Variants in RCC2 observed in about 807,000 individuals in gnomAD.
RCC2 encodes the protein protein RCC2.
RCC2 carries 19 observed loss-of-function variants against 64.1 expected under a neutral mutation model. That is an observed-to-expected ratio of 0.30 (90% confidence interval 0.21 to 0.44). The LOEUF is 0.44. RCC2 is among the 20% of genes least tolerant of loss of function. RCC2 has a pLI of 1.00. For missense variants in RCC2, 508 were observed against 710.4 expected, an observed-to-expected ratio of 0.72 and a Z score of 3.24; for synonymous variants, 325 against 279.6, an observed-to-expected ratio of 1.16 and a Z score of -1.62.
chr1:17,431,341 A>AATAAAAAATAAAAAAAT (rs1382139249), intron 2 of RCC2, among the ~76,000 whole-genome samples: 2 of 52,760 alleles, frequency 3.8e-5, no homozygotes, highest in Non-Finnish European at 7.5e-5. Flanking sequence ...CTCAAAAAAA[A>AATAAAAAATAAAAAAAT]AAAAAAAAAA....
intron 8 of RCC2, among the ~76,000 whole-genome samples, chr1:17,414,747 T>G (rs1031240329): frequency 2.6e-5 from 4 of 151,948 alleles, no homozygotes; most frequent in Admixed American, 6.6e-5. Flanking sequence ...TTCTCCTACC[T>G]CAGCCTCCCA....
intron 7 of RCC2, 117 bp downstream of exon 7, chr1:17,420,597 C>T (rs2075545252): frequency 1.7e-6 from 1 of 585,924 alleles, no homozygotes; most frequent in Non-Finnish European, 2.9e-6. Flanking sequence ...CGGACAAAGG[C>T]TATTATCTGA....
At position 17,413,056 on chromosome 1, in the gene RCC2, G is replaced by A. The variant is rs1242910180; in HGVS notation, c.1313+17C>T. ...AAAGGAAGAGACCTCATACCCACAG[G>A]AGATGCTGCCACCTACCCACAAGCC... is the stretch of plus-strand genomic sequence containing the variant. On this transcript the variant is annotated intron_variant, in intron 10 of 12. Transcript: ENST00000375436. 3.2e-6 allele frequency: 5 copies of A among 1,579,342 alleles called. No homozygotes were observed. The African/African-American group carries it at 4.0e-5, about 13-fold the overall frequency.
At chr1:17,410,150 G>A (rs2075409468) in intron 11 of RCC2, 99 bp from the exon 12 acceptor site, 1 of 1,056,970 alleles carries the variant, frequency 9.5e-7, no homozygotes, top group Non-Finnish European at 1.4e-6. Context: ...CTAACCAGAA[G>A]CCAGTGATGA....
At chr1:17,427,845 G>C (rs1396948701) in intron 3 of RCC2, among the ~76,000 whole-genome samples, 1 of 152,128 alleles carries the variant, frequency 6.6e-6, no homozygotes, top group Admixed American at 6.6e-5. Context: ...GGGAGGGGGA[G>C]CAAGTCAAAT....
intron 11 of RCC2, among the ~76,000 whole-genome samples, chr1:17,410,457 G>C (rs750973212): frequency 6.6e-6 from 1 of 152,212 alleles, no homozygotes; most frequent in Non-Finnish European, 1.5e-5. Flanking sequence ...CCACCATCCA[G>C]AGTGGAATAA....
At chr1:17,435,276 T>C (rs1166167417) in intron 2 of RCC2, among the ~76,000 whole-genome samples, 3 of 152,208 alleles carry the variant, frequency 2.0e-5, no homozygotes, top group African/African-American at 4.8e-5. Context: ...CCCTCAACAA[T>C]GTAAGTATTT....
chr1:17,438,247 G>C lies in RCC2; in HGVS notation c.268C>G (p.His90Asp), dbSNP rs770070035. ...TCACTCACGACGCGCTCCTTGGTGT[G>C]CTCGGGTTCGGTGATGACCACGGCC... ...GAAVVITEPE[H>D]TKERVKLEGS... Residue 90 changes from histidine (H) to aspartate (D), a missense_variant, in exon 2 of 13, where the codon CAC becomes GAC. His to Asp is a moderately conservative substitution (Grantham distance 81). This residue lies in a region of RCC2 where 195 missense variants were observed against 158.3 expected (regional missense o/e 1.23). Coordinates refer to ENST00000375436, the MANE Select transcript of RCC2 (RefSeq NM_018715.4). 18 of 1,329,442 alleles carry C rather than the reference G, an allele frequency of 1.4e-5. No homozygotes were observed. Among genetic ancestry groups the C allele is most frequent in the Non-Finnish European group, 1.5e-5 (15 of 1,020,858 alleles). The allele number at this position is 1,329,442 out of a possible 1,614,324, so 82.4% of individuals were successfully genotyped here.
At chr1:17,418,870 C>T (rs574718325) in intron 7 of RCC2, among the ~76,000 whole-genome samples, 1 of 152,214 alleles carries the variant, frequency 6.6e-6, no homozygotes, top group African/African-American at 2.4e-5. Context: ...TTGCTATCGA[C>T]ACAGTGGATA....
At chr1:17,419,226 G>A (rs946912476) in intron 7 of RCC2, among the ~76,000 whole-genome samples, 3 of 152,224 alleles carry the variant, frequency 2.0e-5, no homozygotes, top group Non-Finnish European at 4.4e-5. Flanking sequence ...GGGTGTGGCA[G>A]CGGGCGCCTG....
intron 3 of RCC2, among the ~76,000 whole-genome samples, chr1:17,427,442 T>C (rs2075628827): frequency 6.6e-6 from 1 of 151,880 alleles, no homozygotes; most frequent in Non-Finnish European, 1.5e-5. Context: ...AAACCAAAAA[T>C]AAAAGCCTCA....
Position 17,438,278 on chromosome 1 carries a change from G to T in RCC2, c.237C>A (p.Gly79=). The change falls in exon 2 of 13, where the codon GGC becomes GGA. Residue 79 remains glycine (G), a synonymous_variant. Coordinates refer to ENST00000375436, the MANE Select transcript of RCC2 (RefSeq NM_018715.4). The part of the protein sequence containing the change: ...AARPATAGKA[G]GAAVVITEPE... ...GTTCGGTGATGACCACGGCCGCGCC[G>T]CCCGCCTTGCCTGCTGTCGCCGGCC... is the stretch of plus-strand genomic sequence containing the variant. 1 of 1,296,896 alleles carries T rather than the reference G, an allele frequency of 7.7e-7. No homozygotes were observed. Among genetic ancestry groups the T allele is most frequent in the Non-Finnish European group, 9.9e-7 (1 of 1,007,280 alleles). The allele number at this position is 1,296,896 out of a possible 1,614,324, so 80.3% of individuals were successfully genotyped here. A position where few individuals can be genotyped will look rare whatever the true frequency, so the allele number is the denominator to read the frequency against.
chr1:17,421,949 C>T (rs566367848), intron 6 of RCC2, among the ~76,000 whole-genome samples: 3 of 152,070 alleles, frequency 2.0e-5, no homozygotes, highest in Non-Finnish European at 1.5e-5. Flanking sequence ...CACTTGAACC[C>T]GGGAGGCGGA....
intron 9 of RCC2, 150 bp downstream of exon 9, chr1:17,413,387 C>A: frequency 2.1e-6 from 2 of 953,784 alleles, no homozygotes; most frequent in South Asian, 3.0e-5. Context: ...GAGTTCGACA[C>A]CGGCCTGGAC....
chr1:17,416,333 G>A, intron 8 of RCC2, 147 bp downstream of exon 8: 1 of 820,682 alleles, frequency 1.2e-6, no homozygotes. Flanking sequence ...AGGACCCTTT[G>A]GCCAAGGTGC....
At chr1:17,421,410 G>A (rs1304252230) in intron 6 of RCC2, among the ~76,000 whole-genome samples, 3 of 151,548 alleles carry the variant, frequency 2.0e-5, no homozygotes, top group Non-Finnish European at 4.4e-5. Flanking sequence ...CAGGAGAATC[G>A]CTTGAATCCG....
chr1:17,414,570 A>AAAAAAAACACAAC (rs2100357451), intron 8 of RCC2, among the ~76,000 whole-genome samples: 1 of 129,994 alleles, frequency 7.7e-6, no homozygotes, highest in African/African-American at 3.0e-5. Context: ...AAAACACAAC[A>AAAAAAAACACAAC]AAAAAAAAAC....
chr1:17,425,449 C>G, intron 4 of RCC2, 92 bp downstream of exon 4: 1 of 1,315,662 alleles, frequency 7.6e-7, no homozygotes. Context: ...TTATAAGACG[C>G]GAGTCTCTTT....
chr1:17,437,054 T>C (rs951317376), intron 2 of RCC2, among the ~76,000 whole-genome samples: 2 of 152,212 alleles, frequency 1.3e-5, no homozygotes, highest in African/African-American at 4.8e-5. Flanking sequence ...CCATGTGCAA[T>C]TTGCAGGGAC....
Sources: allele counts gnomAD v4.1 joint callset (sites outside exome capture counted in the v4.1 genomes callset), GRCh38; gene constraint gnomAD v4.1.1; regional missense constraint gnomAD v4.1.1; transcripts MANE v1.5; gene names NCBI Gene and HGNC (gene_info 2026-07-23, HGNC 2026-07-21).